PARVB: variants seen among roughly 807,000 people sequenced by gnomAD.
PARVB encodes parvin beta.
In PARVB, 46 loss-of-function variants were observed where a neutral mutation model predicts 47.0. The observed-to-expected ratio is 0.98, with a 90% CI of 0.77 to 1.25. The LOEUF (loss-of-function observed/expected upper bound fraction) is 1.25, where lower values mean the gene tolerates loss of function less well. PARVB is among the 50% of genes most tolerant of loss of function. The pLI, the probability that PARVB is intolerant of heterozygous loss-of-function variation, is 0.00. For missense variants in PARVB, 473 were observed against 471.6 expected, an observed-to-expected ratio of 1.00 and a Z score of -0.03; for synonymous variants, 196 against 196.3, an observed-to-expected ratio of 1.00 and a Z score of 0.01.
Position 44,024,444 on chromosome 22 carries a change from G to T in PARVB, c.105G>T (p.Ala35=). ...GCACCCTGGCCAGGAAGCGGAGGGC[G>T]CGCGAGGGTGAGTGCGCGCCCGCGC... ...LGGTLARKRR[A]REVSDLQEEG... is the part of the protein sequence containing the mutation. The change falls in exon 1 of 13, where the codon GCG becomes GCT. Residue 35 remains alanine, a synonymous_variant. Coordinates refer to ENST00000338758, the MANE Select transcript of PARVB (RefSeq NM_013327.5). 8.4e-7 allele frequency: 1 copy of T among 1,185,900 alleles called. No individual in the cohort carries two copies. The highest frequency in any genetic ancestry group is 4.4e-5 in the East Asian group (1 of 22,646). The allele number at this position is 1,185,900 out of a possible 1,614,324, so 73.5% of individuals were successfully genotyped here.
At chr22:44,151,248 G>A in intron 9 of PARVB, 1 of 488,574 alleles carries the variant, frequency 2.0e-6, no homozygotes, top group South Asian at 2.2e-5. Context: ...TGGCATATGT[G>A]TGCATGGGTT....
chr22:44,042,131 G>T (rs1026009933), intron 1 of PARVB, among the ~76,000 whole-genome samples: 5 of 152,064 alleles, frequency 3.3e-5, no homozygotes, highest in Non-Finnish European at 5.9e-5. Flanking sequence ...TTTCACTTAA[G>T]AAAATCTAGG....
chr22:44,038,386 C>G (rs1445010641), intron 1 of PARVB, among the ~76,000 whole-genome samples: 1 of 152,198 alleles, frequency 6.6e-6, no homozygotes, highest in Non-Finnish European at 1.5e-5. Flanking sequence ...GGGGAAGGTA[C>G]TTCCCCACGC....
intron 1 of PARVB, among the ~76,000 whole-genome samples, chr22:44,064,907 T>A (rs764980146): frequency 6.6e-6 from 1 of 152,216 alleles, no homozygotes; most frequent in Non-Finnish European, 1.5e-5. Flanking sequence ...ATGAGGGTTC[T>A]CAGAGCTAGA....
intron 1 of PARVB, among the ~76,000 whole-genome samples, chr22:44,035,009 C>T (rs2050895094): frequency 6.6e-6 from 1 of 152,106 alleles, no homozygotes; most frequent in African/African-American, 2.4e-5. Flanking sequence ...CTGCACCCGG[C>T]CACCATGTGT....
At chr22:44,014,826 CAA>C (rs372820780) in intron 2 of PARVB, among the ~76,000 whole-genome samples, 2 of 150,480 alleles carry the variant, frequency 1.3e-5, no homozygotes, top group Admixed American at 6.7e-5. Flanking sequence ...ACATACAAGA[CAA>C]AAAAATCATT....
chr22:44,134,912 C>T (rs1478762046), intron 6 of PARVB, among the ~76,000 whole-genome samples: 3 of 152,196 alleles, frequency 2.0e-5, no homozygotes, highest in African/African-American at 7.2e-5. Context: ...AGACCTGGGC[C>T]CAGCACCTGG....
intron 4 of PARVB, among the ~76,000 whole-genome samples, chr22:44,126,010 G>T (rs2053177712): frequency 1.3e-5 from 2 of 152,072 alleles, no homozygotes; most frequent in Non-Finnish European, 2.9e-5. Context: ...GAAGCCGTTG[G>T]GAGTAGGGTG....
At chr22:44,078,761 G>T (rs757156249) in intron 1 of PARVB, among the ~76,000 whole-genome samples, 6 of 152,162 alleles carry the variant, frequency 3.9e-5, no homozygotes, top group Non-Finnish European at 7.3e-5. Flanking sequence ...GTCTCACTCT[G>T]TCGCCCAGGC....
At chr22:44,009,931 C>T (rs563350684) in intron 2 of PARVB, among the ~76,000 whole-genome samples, 9 of 151,562 alleles carry the variant, frequency 5.9e-5, no homozygotes, top group Admixed American at 2.6e-4. Flanking sequence ...CTCAGCCTCT[C>T]GAGTAGCTGG....
intron 6 of PARVB, 90 bp downstream of exon 6, chr22:44,133,099 T>G: frequency 1.3e-6 from 1 of 781,046 alleles, no homozygotes; most frequent in Non-Finnish European, 2.1e-6. Flanking sequence ...CCCCTCCTTT[T>G]TTCCCCCCAG....
Position 44,171,009 on chromosome 22 carries a change from GGT to G in PARVB, c.*2334_*2335del, listed in dbSNP as rs1288316110. ...AAAGAAATAATTAAAACAGCATTAC[GGT>G]GTCTCTTGCGGGATGCAGTGACATT... On this transcript the variant is annotated 3_prime_UTR_variant, in exon 13 of 13. Coordinates refer to ENST00000338758, the MANE Select transcript of PARVB (RefSeq NM_013327.5). 2 of 152,232 alleles carry G rather than the reference GGT, an allele frequency of 1.3e-5. No homozygotes were observed. Among genetic ancestry groups the G allele is most frequent in the African/African-American group, 4.8e-5 (2 of 41,442 alleles). 9.4% of individuals were successfully genotyped at this position (152,232 alleles called of 1,614,324 possible). A position where few individuals can be genotyped will look rare whatever the true frequency, so the allele number is the denominator to read the frequency against.
intron 1 of PARVB, among the ~76,000 whole-genome samples, chr22:44,062,632 T>C (rs372356440): frequency 2.9e-4 from 43 of 149,774 alleles, no homozygotes; most frequent in African/African-American, 9.7e-4. Flanking sequence ...AGCAAAACCC[T>C]GTCTGGAAAA....
intron 2 of PARVB, among the ~76,000 whole-genome samples, chr22:44,018,259 G>A (rs1435971018): frequency 1.3e-5 from 2 of 152,034 alleles, no homozygotes; most frequent in East Asian, 1.9e-4. Flanking sequence ...AAAATTAGCT[G>A]GGTTTGGTGG....
chr22:43,999,500 C>G (rs775849735), intron 1 of PARVB: 1 of 1,550,386 alleles, frequency 6.5e-7, no homozygotes, highest in South Asian at 1.1e-5. Flanking sequence ...GAAACTGGAT[C>G]CGACAAACAA....
At chr22:44,019,595 A>G (rs1773573246), upstream of PARVB, among the ~76,000 whole-genome samples, 1 of 152,230 alleles carries the variant, frequency 6.6e-6, no homozygotes, top group Admixed American at 6.5e-5. Context: ...ATGGCACAGC[A>G]TCTGCACGGG....
In PARVB at chr22:44,135,905, A is replaced by G. The variant is rs117742481; in HGVS notation, c.634-555A>G. Among the ~76,000 whole-genome samples the G allele has an allele frequency of 0.012, 1,842 of 152,240 alleles. 106 individuals carry two copies. The East Asian group carries it at 0.18, about 15-fold the overall frequency. On this transcript the variant is annotated intron_variant, in intron 6 of 12. Coordinates refer to ENST00000338758, the MANE Select transcript of PARVB (RefSeq NM_013327.5). Reference sequence around the variant, plus strand: ...TGTTTCTGTGTCTGTTTCCTCTTCTAATAAGGAGGTGAGCCATATTGGATT... The same window carrying G: ...TGTTTCTGTGTCTGTTTCCTCTTCTGATAAGGAGGTGAGCCATATTGGATT...
chr22:44,062,896 A>C (rs2051446514), intron 1 of PARVB, among the ~76,000 whole-genome samples: 1 of 151,936 alleles, frequency 6.6e-6, no homozygotes, highest in Non-Finnish European at 1.5e-5. Context: ...TCATGTAGGC[A>C]TGTCTGGTTA....
At chr22:44,119,618 C>A (rs558319063) in intron 4 of PARVB, among the ~76,000 whole-genome samples, 6 of 152,342 alleles carry the variant, frequency 3.9e-5, no homozygotes, top group Non-Finnish European at 8.8e-5. Flanking sequence ...CTTCCCGGGA[C>A]TGACTGATGC....
Sources: allele counts gnomAD v4.1 joint callset (sites outside exome capture counted in the v4.1 genomes callset), GRCh38; gene constraint gnomAD v4.1.1; transcripts MANE v1.5; gene names NCBI Gene and HGNC (gene_info 2026-07-23, HGNC 2026-07-21).